Variants in PLA2G4C observed in about 807,000 individuals in gnomAD.
The protein encoded by PLA2G4C is phospholipase A2 group IVC, also known as cytosolic phospholipase A2 gamma.
A neutral mutation model predicts 73.8 loss-of-function variants in PLA2G4C; 64 were observed. The ratio of observed to expected loss-of-function variants is 0.87; its 90% CI spans 0.71 to 1.07. The LOEUF is 1.07. Ranked by LOEUF, PLA2G4C falls within the 50% of genes least tolerant of loss-of-function variation. The pLI, the probability that PLA2G4C is intolerant of heterozygous loss-of-function variation, is 0.00. For missense variants in PLA2G4C, 622 were observed against 665.4 expected, an observed-to-expected ratio of 0.93 and a Z score of 0.72; for synonymous variants, 254 against 252.1, an observed-to-expected ratio of 1.01 and a Z score of -0.07.
intron 16 of PLA2G4C, among the ~76,000 whole-genome samples, chr19:48,049,427 C>T (rs751168516): frequency 6.6e-6 from 1 of 152,098 alleles, no homozygotes; most frequent in Non-Finnish European, 1.5e-5. Flanking sequence ...ACCGCACGTT[C>T]GGTCGTCTCC....
Position 48,050,870 on chromosome 19 carries a change from C to A in PLA2G4C, c.1580+2127G>T, listed in dbSNP as rs575610776. 1.3e-4 allele frequency among the ~76,000 whole-genome samples: 20 copies of A among 151,828 alleles called. No homozygotes were observed. In the East Asian group the frequency reaches 3.7e-3, roughly 28 times the overall value. ...TTTGTACTTTTAGTAGAGATGGTGT[C>A]TTGCCATGTTGCCCAGGCTGGTCTG... is the stretch of plus-strand genomic sequence containing the variant. On this transcript the variant is annotated intron_variant, in intron 16 of 16. Transcript: ENST00000599921.
intron 16 of PLA2G4C, among the ~76,000 whole-genome samples, chr19:48,050,823 C>T (rs879515371): frequency 4.6e-5 from 7 of 151,770 alleles, no homozygotes; most frequent in Non-Finnish European, 1.0e-4. Flanking sequence ...CACAGGCATA[C>T]ACCACCATGC....
chr19:48,086,669 C>A (rs1317024621), intron 9 of PLA2G4C, among the ~76,000 whole-genome samples: 1 of 152,160 alleles, frequency 6.6e-6, no homozygotes, highest in Non-Finnish European at 1.5e-5. Flanking sequence ...GCAGCTGGTG[C>A]TCCACCTGCT....
chr19:48,062,812 C>T (rs542381559), intron 13 of PLA2G4C, among the ~76,000 whole-genome samples: 25 of 152,058 alleles, frequency 1.6e-4, no homozygotes, highest in Non-Finnish European at 2.8e-4. Flanking sequence ...AGACAGGTCT[C>T]GGTCAGTGTA....
At chr19:48,060,788 T>C (rs966800222) in intron 14 of PLA2G4C, among the ~76,000 whole-genome samples, 7 of 152,050 alleles carry the variant, frequency 4.6e-5, no homozygotes, top group African/African-American at 7.2e-5. Context: ...TGGTGACAAG[T>C]TGGTTCTGGA....
intron 6 of PLA2G4C, 91 bp from the exon 7 acceptor site, chr19:48,095,695 T>TA (rs2031532984): frequency 2.3e-6 from 3 of 1,286,664 alleles, no homozygotes; most frequent in South Asian, 1.2e-5. Context: ...AATGAGGAAT[T>TA]ACAACCATGA....
chr19:48,063,445 C>T (rs2122491225), intron 13 of PLA2G4C, among the ~76,000 whole-genome samples: 2 of 152,258 alleles, frequency 1.3e-5, no homozygotes, highest in East Asian at 1.9e-4. Flanking sequence ...GGCAGGTTTG[C>T]CCTGGGCAGT....
intron 13 of PLA2G4C, among the ~76,000 whole-genome samples, chr19:48,066,958 GACACACACACAC>G (rs200703260): frequency 3.2e-4 from 46 of 143,844 alleles, no homozygotes; most frequent in African/African-American, 9.3e-4. Flanking sequence ...AACAGAGCAA[GACACACACACAC>G]ACACACACAC....
rs771239439 is a variant in PLA2G4C, at chr19:48,088,693, G to C, written c.783C>G (p.Thr261=). ...ATGAAGTAGGATGCTTACCTTTCAG[G>C]GTCAGATTCCTTAACTGGTCTGCAA... The part of the protein sequence containing the change: ...EYIFDQLRNL[T]LKGLWRRAVA... The change falls in exon 9 of 17, where the codon ACC becomes ACG. Residue 261 remains threonine (T), a synonymous_variant. Coordinates refer to ENST00000599921, the MANE Select transcript of PLA2G4C (RefSeq NM_003706.3). 1.2e-6 allele frequency: 2 copies of C among 1,608,092 alleles called. No homozygotes were observed. Among genetic ancestry groups the C allele is most frequent in the Non-Finnish European group, 1.7e-6 (2 of 1,174,624 alleles).
intron 16 of PLA2G4C, among the ~76,000 whole-genome samples, chr19:48,052,713 C>T (rs1287122799): frequency 1.3e-5 from 2 of 152,164 alleles, no homozygotes; most frequent in Non-Finnish European, 2.9e-5. Flanking sequence ...ACACTTCCAG[C>T]CCCCAGCACC....
chr19:48,110,505 C>T lies in PLA2G4C; in HGVS notation c.-51G>A, dbSNP rs748047521. ...GGCTTGCCTGAGCCTGGGTCTGGGG[C>T]GTGTGCGCATGCGCGGTGGAGCTTG... On this transcript the variant is annotated 5_prime_UTR_variant, in exon 1 of 17. Transcript: ENST00000599921. The T allele has an allele frequency of 9.2e-7, 1 of 1,088,696 alleles. No homozygotes were observed. Among genetic ancestry groups the T allele is most frequent in the Non-Finnish European group, 1.1e-6 (1 of 872,058 alleles). 67.4% of individuals were successfully genotyped at this position (1,088,696 alleles called of 1,614,324 possible). A position where few individuals can be genotyped will look rare whatever the true frequency, so the allele number is the denominator to read the frequency against.
Position 48,056,215 on chromosome 19 carries a change from G to A in PLA2G4C, c.1258-1166C>T, listed in dbSNP as rs536022082. Among the ~76,000 whole-genome samples, 7 of 152,208 alleles carry A rather than the reference G, an allele frequency of 4.6e-5. No individual in the cohort carries two copies. In the South Asian group the frequency reaches 1.4e-3, roughly 32 times the overall value. ...TGTGTCTTAGAAAGGCATCTGTTAA[G>A]TCCTGCAAGCTGACTGACAAAACTA... On this transcript the variant is annotated intron_variant, in intron 14 of 16. Transcript: ENST00000599921.
chr19:48,058,690 C>A (rs759523796), intron 14 of PLA2G4C, among the ~76,000 whole-genome samples: 1 of 151,098 alleles, frequency 6.6e-6, no homozygotes, highest in Non-Finnish European at 1.5e-5. Context: ...TGGTGGCGGG[C>A]GCCTGTAATC....
intron 7 of PLA2G4C, 32 bp downstream of exon 7, chr19:48,095,432 C>T: frequency 6.2e-7 from 1 of 1,604,906 alleles, no homozygotes; most frequent in Non-Finnish European, 8.5e-7. Flanking sequence ...ACTTCCCACC[C>T]CCTTTTAATC....
chr19:48,071,757 T>C (rs11668521), intron 12 of PLA2G4C, among the ~76,000 whole-genome samples: 76,562 of 151,804 alleles, frequency 0.5, 19,529 homozygotes, highest in South Asian at 0.51. Flanking sequence ...CTTTTTTAAA[T>C]GTTTTATCTA....
At position 48,047,856 on chromosome 19, in the gene PLA2G4C, A is replaced by G; in HGVS notation, c.*487T>C. The G allele has an allele frequency of 6.1e-6, 1 of 164,850 alleles. No homozygotes were observed. Among genetic ancestry groups the G allele is most frequent in the Non-Finnish European group, 1.3e-5 (1 of 76,970 alleles). The allele number at this position is 164,850 out of a possible 1,614,324, so 10.2% of individuals were successfully genotyped here. A position where few individuals can be genotyped will look rare whatever the true frequency, so the allele number is the denominator to read the frequency against. On this transcript the variant is annotated 3_prime_UTR_variant, in exon 17 of 17. Transcript: ENST00000599921. ...CACACACACAGCTAATCCATCAGTC[A>G]ATCAGCAAGCATTTATTGAGCACTT...
chr19:48,072,501 G>A lies in PLA2G4C; in HGVS notation c.1006+2266C>T, dbSNP rs550771315. The A allele has an allele frequency of 6.6e-6, 1 of 152,306 alleles. No individual in the cohort carries two copies. Among genetic ancestry groups the A allele is most frequent in the East Asian group, 1.9e-4 (1 of 5,174 alleles). 9.4% of individuals were successfully genotyped at this position (152,306 alleles called of 1,614,324 possible). A position where few individuals can be genotyped will look rare whatever the true frequency, so the allele number is the denominator to read the frequency against. The stretch of plus-strand genomic sequence containing the variant: ...AGACTGAAGTCAGTAGATGAACTCT[G>A]GCTGACTTTCCCCACATTTCCACTT... On this transcript the variant is annotated intron_variant, in intron 12 of 16. Transcript: ENST00000599921. This position sits in a 1 kb window ranked among gnomAD's most constrained non-coding sequence, Gnocchi z 4.4.
chr19:48,104,427 G>T, intron 4 of PLA2G4C, 161 bp downstream of exon 4: 1 of 654,526 alleles, frequency 1.5e-6, no homozygotes, highest in Non-Finnish European at 2.6e-6. Context: ...GTGAACTCCA[G>T]GTAGCCAGCG....
At chr19:48,079,974 T>G (rs113901169) in intron 10 of PLA2G4C, among the ~76,000 whole-genome samples, 3,085 of 152,004 alleles carry the variant, frequency 0.02, 106 homozygotes, top group African/African-American at 0.069. Context: ...AATAAACAAA[T>G]ATATGGGACC....
Sources: allele counts gnomAD v4.1 joint callset (sites outside exome capture counted in the v4.1 genomes callset), GRCh38; gene constraint gnomAD v4.1.1; non-coding constraint Gnocchi (gnomAD v3.1); transcripts MANE v1.5; gene names NCBI Gene and HGNC (gene_info 2026-07-23, HGNC 2026-07-21).